The following SEPTIN9 variants were observed in gnomAD, a reference collection of about 807,000 sequenced individuals.
SEPTIN9 encodes septin-9.
Under a neutral mutation model 56.6 loss-of-function variants are expected in SEPTIN9, and 13 were observed. That is an observed-to-expected ratio of 0.23 (90% CI 0.15 to 0.37). SEPTIN9 has a LOEUF of 0.37. SEPTIN9 is among the 10% of genes least tolerant of loss of function. SEPTIN9 has a pLI of 1.00. For synonymous variants in SEPTIN9, 332 were observed against 334.1 expected (o/e 0.99, Z 0.07); for missense variants, 650 against 823.1 (o/e 0.79, Z 2.57).
At chr17:77,287,690 C>T (rs1290369555) in intron 1 of SEPTIN9, among the ~76,000 whole-genome samples, 1 of 152,222 alleles carries the variant, frequency 6.6e-6, no homozygotes, top group African/African-American at 2.4e-5. Flanking sequence ...TGAAGGGAGA[C>T]ATTGAGCTGT....
At chr17:77,292,852 G>A (rs1385071658) in intron 1 of SEPTIN9, among the ~76,000 whole-genome samples, 1 of 152,016 alleles carries the variant, frequency 6.6e-6, no homozygotes, top group Non-Finnish European at 1.5e-5. Context: ...TTTGACCACT[G>A]GTCTCGCTCC....
At chr17:77,493,702 C>G (rs1192951859) in intron 10 of SEPTIN9, among the ~76,000 whole-genome samples, 1 of 151,200 alleles carries the variant, frequency 6.6e-6, no homozygotes, top group East Asian at 1.9e-4. Flanking sequence ...ATCACATGCT[C>G]TAATCTCTGC....
intron 2 of SEPTIN9, among the ~76,000 whole-genome samples, chr17:77,350,703 G>A (rs2034031932): frequency 6.6e-6 from 1 of 151,914 alleles, no homozygotes; most frequent in Admixed American, 6.6e-5. Flanking sequence ...GGTTGGGATT[G>A]GAGCAGGCAG....
intron 2 of SEPTIN9, among the ~76,000 whole-genome samples, chr17:77,366,107 C>T (rs2034563356): frequency 6.6e-6 from 1 of 152,166 alleles, no homozygotes; most frequent in Non-Finnish European, 1.5e-5. Context: ...GAGGTACCAG[C>T]TGTGTGCTTT....
intron 10 of SEPTIN9, among the ~76,000 whole-genome samples, chr17:77,494,254 C>T (rs2040160136): frequency 6.6e-6 from 1 of 152,236 alleles, no homozygotes. Context: ...GGATGGGAGC[C>T]CCTGGGGGGC....
At chr17:77,321,919 G>A (rs1376515050) in intron 2 of SEPTIN9, among the ~76,000 whole-genome samples, 2 of 152,228 alleles carry the variant, frequency 1.3e-5, no homozygotes, top group Non-Finnish European at 2.9e-5. Flanking sequence ...AGCAGGAGCC[G>A]CAGGGCAGGG....
chr17:77,475,769 C>T lies in SEPTIN9; in HGVS notation c.722-6375C>T, dbSNP rs772365794. The T allele has an allele frequency of 1.2e-6, 2 of 1,613,088 alleles. No homozygotes were observed. The highest frequency in any genetic ancestry group is 2.2e-5 in the South Asian group (2 of 91,092). On this transcript the variant is annotated intron_variant, in intron 3 of 11. Coordinates refer to ENST00000427177, the MANE Select transcript of SEPTIN9 (RefSeq NM_001113491.2). The surrounding 1 kb of genome is among the most constrained non-coding windows in gnomAD (Gnocchi z 4.6). ...CGGCAGCTTTCTCCTGGACACGGGC[C>T]TGGAAGGCTGACAGGGTGTGGTGAG...
chr17:77,342,555 T>C (rs1731803220), intron 2 of SEPTIN9, among the ~76,000 whole-genome samples: 1 of 152,184 alleles, frequency 6.6e-6, no homozygotes, highest in Admixed American at 6.5e-5. Context: ...CAGGGCCCAG[T>C]CAGGAAACAA....
chr17:77,302,329 C>T (rs1253989616), intron 1 of SEPTIN9, among the ~76,000 whole-genome samples: 1 of 151,990 alleles, frequency 6.6e-6, no homozygotes, highest in Non-Finnish European at 1.5e-5. Context: ...CCTTCATGCT[C>T]TATGTCTTTC....
chr17:77,484,571 ATGG>A lies in SEPTIN9; in HGVS notation c.913+2241_913+2243del, dbSNP rs1283928544. 1.1e-3 allele frequency among the ~76,000 whole-genome samples: 29 copies of A among 26,534 alleles called. 3 individuals carry two copies. Among genetic ancestry groups the A allele is most frequent in the African/African-American group, 4.0e-3 (11 of 2,748 alleles). 17.4% of individuals were successfully genotyped at this position (26,534 alleles called of 152,430 possible). ...GGTGGTGATGATGGTGATTGTGGTG[ATGG>A]TGGTTATGATGGTGGTAATTGTGAT... On this transcript the variant is annotated intron_variant, in intron 4 of 11. Transcript: ENST00000427177.
At chr17:77,372,445 C>G (rs1029094741) in intron 2 of SEPTIN9, among the ~76,000 whole-genome samples, 2 of 152,122 alleles carry the variant, frequency 1.3e-5, no homozygotes, top group African/African-American at 4.8e-5. Flanking sequence ...GAAGGCTAGG[C>G]CTCAGGTTAG....
At position 77,441,891 on chromosome 17, in the gene SEPTIN9, C is replaced by T. The variant is rs199945060; in HGVS notation, c.721+39188C>T. ...TGAGAAACGGGGTCCAAATTGCCGG[C>T]TGTGGGTGGGACAGGCGACACTGCA... On this transcript the variant is annotated intron_variant, in intron 3 of 11. Transcript: ENST00000427177. Among the ~76,000 whole-genome samples, 344 of 152,252 alleles carry T rather than the reference C, an allele frequency of 2.3e-3. 7 individuals are homozygous for T. In the South Asian group the frequency reaches 0.056, roughly 25 times the overall value.
At chr17:77,485,366 G>A (rs1396295771) in intron 4 of SEPTIN9, among the ~76,000 whole-genome samples, 1 of 151,684 alleles carries the variant, frequency 6.6e-6, no homozygotes, top group Non-Finnish European at 1.5e-5. Context: ...GTGGTGGGAT[G>A]GTAGTGGTGA....
chr17:77,468,215 A>G (rs1330867136), intron 3 of SEPTIN9, among the ~76,000 whole-genome samples: 2 of 152,214 alleles, frequency 1.3e-5, no homozygotes, highest in Admixed American at 1.3e-4. Context: ...CAGTGAGCCC[A>G]GATAGTGCCA....
At position 77,402,544 on chromosome 17, in the gene SEPTIN9, G is replaced by T. The variant is rs1010086399; in HGVS notation, c.562G>T (p.Val188Leu). The T allele has an allele frequency of 3.1e-6, 5 of 1,609,038 alleles. No individual in the cohort carries two copies. Among genetic ancestry groups the T allele is most frequent in the Non-Finnish European group, 4.2e-6 (5 of 1,178,146 alleles). Reference protein sequence around the residue: ...APATDAAPKRVEIQMPKPAEA... With the variant: ...APATDAAPKRLEIQMPKPAEA... ...TGCCACCGACGCAGCCCCCAAGAGG[G>T]TGGAGATCCAGATGCCCAAGCCTGC... is the stretch of plus-strand genomic sequence containing the variant. The change falls in exon 3 of 12, where the codon GTG becomes TTG. Residue 188 changes from valine (V) to leucine (L), a missense_variant. By Grantham distance (32) the Val-to-Leu change is conservative. Coordinates refer to ENST00000427177, the MANE Select transcript of SEPTIN9 (RefSeq NM_001113491.2). The surrounding 1 kb of genome is among the most constrained non-coding windows in gnomAD (Gnocchi z 6.6).
Position 77,319,853 on chromosome 17 carries a change from A to C in SEPTIN9, c.76+12656A>C. 1 of 1,091,072 alleles carries C rather than the reference A, an allele frequency of 9.2e-7. No individual in the cohort carries two copies. The highest frequency in any genetic ancestry group is 1.1e-6 in the Non-Finnish European group (1 of 894,474). 67.6% of individuals were successfully genotyped at this position (1,091,072 alleles called of 1,614,324 possible). A position where few individuals can be genotyped will look rare whatever the true frequency, so the allele number is the denominator to read the frequency against. ...GTTAAGCATCTCCAAGTGGATATTA[A>C]AAAGGAGCAGCAAGCCTCGGGGCGG... On this transcript the variant is annotated intron_variant, in intron 2 of 11. Coordinates refer to ENST00000427177, the MANE Select transcript of SEPTIN9 (RefSeq NM_001113491.2). This position sits in a 1 kb window ranked among gnomAD's most constrained non-coding sequence, Gnocchi z 5.3.
chr17:77,356,665 T>C (rs1598245223), intron 2 of SEPTIN9, among the ~76,000 whole-genome samples: 21 of 52,370 alleles, frequency 4.0e-4, no homozygotes, highest in Admixed American at 5.4e-4. Context: ...CTTCCTGCTT[T>C]CCCTCCCCCT....
At chr17:77,350,842 A>C (rs1202921618) in intron 2 of SEPTIN9, among the ~76,000 whole-genome samples, 6 of 152,228 alleles carry the variant, frequency 3.9e-5, no homozygotes, top group Non-Finnish European at 7.3e-5. Flanking sequence ...AGAATGCTCC[A>C]GACAGACCTT....
At chr17:77,419,050 C>T (rs1052772346) in intron 3 of SEPTIN9, among the ~76,000 whole-genome samples, 1 of 152,228 alleles carries the variant, frequency 6.6e-6, no homozygotes, top group Non-Finnish European at 1.5e-5. Flanking sequence ...CCTGCTTCCT[C>T]TAGCAGCCTG....
Sources: allele counts gnomAD v4.1 joint callset (sites outside exome capture counted in the v4.1 genomes callset), GRCh38; gene constraint gnomAD v4.1.1; non-coding constraint Gnocchi (gnomAD v3.1); transcripts MANE v1.5; gene names NCBI Gene and HGNC (gene_info 2026-07-23, HGNC 2026-07-21).